Variants in PBX3 observed in about 807,000 individuals in gnomAD.
PBX3 encodes pre-B-cell leukemia transcription factor 3.
Under a neutral mutation model 48.5 loss-of-function variants are expected in PBX3, and 14 were observed. The observed-to-expected ratio is 0.29, with a 90% CI of 0.19 to 0.45. The LOEUF is 0.45. Ranked by LOEUF, PBX3 falls within the 20% of genes least tolerant of loss-of-function variation. The pLI is 1.00. For missense variants in PBX3, 386 were observed against 546.7 expected (o/e 0.71, Z 2.93); for synonymous variants, 210 against 200.3 (o/e 1.05, Z -0.41).
intron 2 of PBX3, among the ~76,000 whole-genome samples, chr9:125,781,437 G>C (rs1837308160): frequency 6.6e-6 from 1 of 151,466 alleles, no homozygotes; most frequent in Non-Finnish European, 1.5e-5. Flanking sequence ...GGAGAATCAG[G>C]CAGGGAGGTT....
At chr9:125,802,249 C>T (rs1815297547) in intron 2 of PBX3, among the ~76,000 whole-genome samples, 4 of 151,702 alleles carry the variant, frequency 2.6e-5, no homozygotes, top group Admixed American at 6.6e-5. Context: ...GGTAGTTTTT[C>T]AGCCCCTGTC....
intron 2 of PBX3, among the ~76,000 whole-genome samples, chr9:125,866,187 C>T (rs1463533700): frequency 1.3e-5 from 2 of 152,136 alleles, no homozygotes; most frequent in South Asian, 4.1e-4. Context: ...TGGCATCTTT[C>T]ACTGAATAGT....
intron 2 of PBX3, among the ~76,000 whole-genome samples, chr9:125,863,669 G>A (rs1839916007): frequency 1.3e-5 from 2 of 152,208 alleles, no homozygotes; most frequent in Admixed American, 1.3e-4. Flanking sequence ...TACATTGTGG[G>A]AAGATTAGAT....
intron 5 of PBX3, among the ~76,000 whole-genome samples, chr9:125,936,713 T>C (rs968948860): frequency 4.6e-5 from 7 of 152,216 alleles, no homozygotes; most frequent in Non-Finnish European, 7.3e-5. Context: ...GATTCATAAC[T>C]AAGGTTTCAT....
intron 2 of PBX3, among the ~76,000 whole-genome samples, chr9:125,852,575 C>G (rs1158142664): frequency 1.3e-5 from 2 of 152,146 alleles, no homozygotes; most frequent in African/African-American, 4.8e-5. Flanking sequence ...AATGTGTACT[C>G]TCTTTAGTAC....
chr9:125,955,256 T>C (rs1400215505), intron 5 of PBX3, among the ~76,000 whole-genome samples: 1 of 152,088 alleles, frequency 6.6e-6, no homozygotes, highest in Non-Finnish European at 1.5e-5. Flanking sequence ...CTTCAGGCTT[T>C]CCCTTGCCCA....
rs1588307775 is a variant in PBX3, at chr9:125,929,964, C to T, written c.707+119C>T. The T allele has an allele frequency of 4.1e-6, 3 of 727,870 alleles. No homozygotes were observed. The Admixed American group carries it at 7.2e-5, about 18-fold the overall frequency. The allele number at this position is 727,870 out of a possible 1,614,324, so 45.1% of individuals were successfully genotyped here. A position where few individuals can be genotyped will look rare whatever the true frequency, so the allele number is the denominator to read the frequency against. The stretch of plus-strand genomic sequence containing the variant: ...CTTTTGGCCATATGAGTCTTTTGTA[C>T]AATGGACAGGTAATTCAACTCATGG... On this transcript the variant is annotated intron_variant, in intron 4 of 8. Transcript: ENST00000373489.
In PBX3 at chr9:125,957,390, G is replaced by T. The variant is rs1842332517; in HGVS notation, c.844-3294G>T. 1.3e-5 allele frequency among the ~76,000 whole-genome samples: 2 copies of T among 152,204 alleles called. 1 individual carries two copies. The highest frequency in any genetic ancestry group is 4.1e-4 in the South Asian group (2 of 4,828). On this transcript the variant is annotated intron_variant, in intron 5 of 8. Coordinates refer to ENST00000373489, the MANE Select transcript of PBX3 (RefSeq NM_006195.6). ...TAAAGATTAAGAAGTATTGGGACTA[G>T]CAGAATAAAAACGATCTGATGTCAA...
At chr9:125,944,762 T>TG (rs1452639753) in intron 5 of PBX3, among the ~76,000 whole-genome samples, 2 of 151,958 alleles carry the variant, frequency 1.3e-5, no homozygotes, top group East Asian at 1.9e-4. Context: ...TGTTATTATG[T>TG]GGGGGGTGGG....
In PBX3 at chr9:125,760,857, G is replaced by GT. The variant is rs1362944268; in HGVS notation, c.274+12236dup. ...TTGATTAAGCCACGTTGTGTGTAAT[G>GT]TTGAAATGTCATATTTTCATTTAAA... On this transcript the variant is annotated intron_variant, in intron 2 of 8. Transcript: ENST00000373489. Among the ~76,000 whole-genome samples, 5 of 152,284 alleles carry GT rather than the reference G, an allele frequency of 3.3e-5. No individual in the cohort carries two copies. In the East Asian group the frequency reaches 9.6e-4, roughly 29 times the overall value.
chr9:125,927,442 T>C (rs941473423), intron 3 of PBX3, among the ~76,000 whole-genome samples: 1 of 152,222 alleles, frequency 6.6e-6, no homozygotes, highest in African/African-American at 2.4e-5. Flanking sequence ...CAGGAAAGGT[T>C]AGTCCTCTAA....
intron 3 of PBX3, among the ~76,000 whole-genome samples, chr9:125,919,510 A>G (rs1378970202): frequency 6.6e-6 from 1 of 151,986 alleles, no homozygotes; most frequent in Admixed American, 6.6e-5. Flanking sequence ...CGCCTGGCCA[A>G]AAACAACTAT....
intron 8 of PBX3, among the ~76,000 whole-genome samples, chr9:125,963,401 G>A (rs891101040): frequency 6.6e-6 from 1 of 152,088 alleles, no homozygotes; most frequent in African/African-American, 2.4e-5. Context: ...TAGAAAACAG[G>A]TCATTTATCT....
At chr9:125,898,438 C>T (rs767089839) in intron 2 of PBX3, among the ~76,000 whole-genome samples, 9 of 130,556 alleles carry the variant, frequency 6.9e-5, no homozygotes, top group Non-Finnish European at 8.3e-5. Flanking sequence ...TGTAGCAGGA[C>T]CCCATCTTCT....
chr9:125,860,198 C>T (rs1839827721), intron 2 of PBX3, among the ~76,000 whole-genome samples: 1 of 152,230 alleles, frequency 6.6e-6, no homozygotes, highest in Non-Finnish European at 1.5e-5. Flanking sequence ...GCCAGTTGTC[C>T]TCCCATAAGT....
chr9:125,940,744 GGAAAAACTTGATTTCATTTATAAAAAATA>G (rs1841943842), intron 5 of PBX3, among the ~76,000 whole-genome samples: 1 of 152,028 alleles, frequency 6.6e-6, no homozygotes, highest in Non-Finnish European at 1.5e-5. Flanking sequence ...TATAAAAAAT[GGAAAAACTTGATTTCATTTATAAAAAATA>G]GAAAAACAAG....
At chr9:125,864,406 G>A (rs1224202072) in intron 2 of PBX3, among the ~76,000 whole-genome samples, 1 of 152,160 alleles carries the variant, frequency 6.6e-6, no homozygotes, top group Non-Finnish European at 1.5e-5. Flanking sequence ...GGGTGGGGGA[G>A]GATGGTTTCA....
intron 5 of PBX3, among the ~76,000 whole-genome samples, chr9:125,953,724 C>T (rs1477312560): frequency 1.3e-5 from 2 of 152,142 alleles, no homozygotes; most frequent in Non-Finnish European, 2.9e-5. Context: ...GTCACTGTGA[C>T]ACATGGAAGT....
intron 5 of PBX3, among the ~76,000 whole-genome samples, chr9:125,954,227 A>G (rs963313303): frequency 1.1e-4 from 16 of 152,236 alleles, no homozygotes; most frequent in Admixed American, 2.0e-4. Context: ...AAATGCATGT[A>G]TGATGAAACC....
Sources: allele counts gnomAD v4.1 joint callset (sites outside exome capture counted in the v4.1 genomes callset), GRCh38; gene constraint gnomAD v4.1.1; transcripts MANE v1.5; gene names NCBI Gene and HGNC (gene_info 2026-07-23, HGNC 2026-07-21).